SGCD: variants seen among roughly 807,000 people sequenced by gnomAD.
The protein encoded by SGCD is sarcoglycan delta.
Under a neutral mutation model 36.6 loss-of-function variants are expected in SGCD, and 18 were observed. That is an observed-to-expected ratio of 0.49 (90% CI 0.34 to 0.73). The LOEUF (loss-of-function observed/expected upper bound fraction) is 0.73. Among genes scored for constraint, SGCD ranks in the 30% least tolerant of loss-of-function variants. The probability of loss-of-function intolerance (pLI) is 0.01; values close to 1 mark genes in which losing one functional copy is unlikely to be tolerated. For missense variants in SGCD, 387 were observed against 346.7 expected (o/e 1.12, Z -0.92); for synonymous variants, 133 against 130.6 (o/e 1.02, Z -0.12).
intron 1 of SGCD, among the ~76,000 whole-genome samples, chr5:155,944,744 T>C (rs1477048925): frequency 6.6e-6 from 1 of 152,176 alleles, no homozygotes; most frequent in African/African-American, 2.4e-5. Context: ...ACAAAAAATG[T>C]GGTAAGTTTA....
chr5:156,615,567 G>A (rs1489581523), intron 6 of SGCD, among the ~76,000 whole-genome samples: 1 of 152,118 alleles, frequency 6.6e-6, no homozygotes, highest in African/African-American at 2.4e-5. Context: ...GATAATTTCA[G>A]TGAAAGGGGT....
chr5:155,850,950 A>G, the SGCD span, among the ~76,000 whole-genome samples: 3 of 152,176 alleles, frequency 2.0e-5, no homozygotes, highest in Non-Finnish European at 4.4e-5. Flanking sequence ...CAGGAAATCA[A>G]TGGGGTTGGG....
chr5:156,355,148 T>C (rs1769434300), intron 3 of SGCD, among the ~76,000 whole-genome samples: 1 of 152,198 alleles, frequency 6.6e-6, no homozygotes. Flanking sequence ...TCAAAACTGG[T>C]CCAAAATCTA....
At chr5:156,295,615 G>T (rs1362912113) in intron 3 of SGCD, among the ~76,000 whole-genome samples, 2 of 152,088 alleles carry the variant, frequency 1.3e-5, no homozygotes, top group Non-Finnish European at 1.5e-5. Context: ...CCCTGCACTG[G>T]CAGGGATCCA....
chr5:156,640,132 C>T (rs966577339), intron 6 of SGCD, among the ~76,000 whole-genome samples: 1 of 151,998 alleles, frequency 6.6e-6, no homozygotes, highest in Non-Finnish European at 1.5e-5. Flanking sequence ...TTTCTCAGTC[C>T]TTTTTCCAAT....
intron 7 of SGCD, among the ~76,000 whole-genome samples, chr5:156,735,643 G>C (rs1429575781): frequency 6.6e-6 from 1 of 152,192 alleles, no homozygotes; most frequent in Non-Finnish European, 1.5e-5. Flanking sequence ...TCTGTCCCGG[G>C]TAGGTGCAAC....
chr5:156,013,754 C>A (rs1292808100), intron 1 of SGCD, among the ~76,000 whole-genome samples: 1 of 151,932 alleles, frequency 6.6e-6, no homozygotes, highest in African/African-American at 2.4e-5. Flanking sequence ...AATATTTTTT[C>A]TAATGTGTCC....
chr5:156,484,169 G>C (rs1166764398), intron 3 of SGCD, among the ~76,000 whole-genome samples: 2 of 152,186 alleles, frequency 1.3e-5, no homozygotes, highest in African/African-American at 2.4e-5. Flanking sequence ...TGTCATTAAA[G>C]AAAAGGGAAA....
chr5:156,047,806 C>G (rs1488970860), intron 1 of SGCD, among the ~76,000 whole-genome samples: 2 of 151,978 alleles, frequency 1.3e-5, no homozygotes, highest in Admixed American at 6.6e-5. Flanking sequence ...TTTTGAATTT[C>G]AAGCCTTATT....
At chr5:156,029,413 T>C (rs1759294451) in intron 1 of SGCD, among the ~76,000 whole-genome samples, 1 of 152,170 alleles carries the variant, frequency 6.6e-6, no homozygotes, top group South Asian at 2.1e-4. Context: ...CATCCATCCA[T>C]TCATTCATTC....
At chr5:155,852,251 A>G in the SGCD span, among the ~76,000 whole-genome samples, 4 of 152,322 alleles carry the variant, frequency 2.6e-5, no homozygotes, top group Non-Finnish European at 5.9e-5. Context: ...CAAATGTGCT[A>G]TGCATGGTGT....
At chr5:156,029,228 A>G (rs1300005568) in intron 1 of SGCD, among the ~76,000 whole-genome samples, 1 of 152,324 alleles carries the variant, frequency 6.6e-6, no homozygotes, top group East Asian at 1.9e-4. Flanking sequence ...AATAATATAA[A>G]CAAGGTTGAG....
At chr5:156,179,644 C>T (rs1459175213) in intron 3 of SGCD, among the ~76,000 whole-genome samples, 1 of 139,540 alleles carries the variant, frequency 7.2e-6, no homozygotes, top group Non-Finnish European at 1.5e-5. Context: ...TTTTTTGAGA[C>T]CGATTCTCAC....
At chr5:156,606,854 T>C (rs1761484988) in intron 6 of SGCD, among the ~76,000 whole-genome samples, 1 of 152,212 alleles carries the variant, frequency 6.6e-6, no homozygotes, top group African/African-American at 2.4e-5. Context: ...TGTTTGTCTG[T>C]TATTGGTGTA....
chr5:155,836,650 A>G, the SGCD span, among the ~76,000 whole-genome samples: 1 of 152,096 alleles, frequency 6.6e-6, no homozygotes, highest in African/African-American at 2.4e-5. Context: ...CTTGACATTA[A>G]CCTTCTTGGA....
At chr5:156,694,803 T>A (rs958684116) in intron 7 of SGCD, among the ~76,000 whole-genome samples, 5 of 152,184 alleles carry the variant, frequency 3.3e-5, no homozygotes, top group African/African-American at 1.2e-4. Flanking sequence ...AAAAAAGGAA[T>A]GTGTCATCTT....
the SGCD span, among the ~76,000 whole-genome samples, chr5:155,751,194 A>G: frequency 6.6e-6 from 1 of 152,232 alleles, no homozygotes; most frequent in East Asian, 1.9e-4. Context: ...AGAGACTATT[A>G]AAGAGCATAG....
chr5:156,362,196 C>T (rs1769833458), intron 3 of SGCD, among the ~76,000 whole-genome samples: 1 of 152,194 alleles, frequency 6.6e-6, no homozygotes, highest in Non-Finnish European at 1.5e-5. Context: ...TGCACTATGT[C>T]ATTCATGAGA....
chr5:156,438,649 G>A (rs1316430582), intron 3 of SGCD, among the ~76,000 whole-genome samples: 3 of 152,032 alleles, frequency 2.0e-5, no homozygotes, highest in Non-Finnish European at 2.9e-5. Context: ...AGTGTTTAGC[G>A]ATTAATCATA....
Sources: allele counts gnomAD v4.1 joint callset (sites outside exome capture counted in the v4.1 genomes callset), GRCh38; gene constraint gnomAD v4.1.1; transcripts MANE v1.5; gene names NCBI Gene and HGNC (gene_info 2026-07-23, HGNC 2026-07-21).